DPP10: variants seen among roughly 807,000 people sequenced by gnomAD.
DPP10 encodes the protein dipeptidyl peptidase like 10.
In DPP10, 33 loss-of-function variants were observed where a neutral mutation model predicts 120.9. The observed-to-expected ratio is 0.27, with a 90% CI of 0.21 to 0.37. The LOEUF (loss-of-function observed/expected upper bound fraction) is 0.37, where lower values mean the gene tolerates loss of function less well. Ranked by LOEUF, DPP10 falls within the 10% of genes least tolerant of loss-of-function variation. The pLI, the probability that DPP10 is intolerant of heterozygous loss-of-function variation, is 1.00. For missense variants in DPP10, 816 were observed against 942.8 expected (o/e 0.87, Z 1.76); for synonymous variants, 337 against 326.1 (o/e 1.03, Z -0.36).
intron 19 of DPP10, among the ~76,000 whole-genome samples, chr2:115,813,430 T>G (rs1224925945): frequency 6.6e-6 from 1 of 152,110 alleles, no homozygotes; most frequent in African/African-American, 2.4e-5. Context: ...TGTGTGCAAA[T>G]TTCCTCTTCT....
chr2:115,312,857 C>T (rs1405480466), intron 2 of DPP10, among the ~76,000 whole-genome samples: 1 of 152,184 alleles, frequency 6.6e-6, no homozygotes, highest in East Asian at 1.9e-4. Context: ...GGGGAAGCTT[C>T]TGACTGTGGA....
intron 1 of DPP10, among the ~76,000 whole-genome samples, chr2:114,479,914 A>G (rs1018792752): frequency 1.3e-5 from 2 of 152,122 alleles, no homozygotes; most frequent in Admixed American, 1.3e-4. Context: ...AACCACCATC[A>G]GAGTGAACAG....
chr2:114,567,578 C>A (rs1169825998), intron 1 of DPP10, among the ~76,000 whole-genome samples: 1 of 152,078 alleles, frequency 6.6e-6, no homozygotes, highest in African/African-American at 2.4e-5. Context: ...CTAGAGTCAC[C>A]AGCCTGTGAC....
intron 1 of DPP10, among the ~76,000 whole-genome samples, chr2:114,919,556 C>T (rs774772989): frequency 4.6e-5 from 7 of 152,078 alleles, no homozygotes; most frequent in African/African-American, 7.2e-5. Context: ...GGTTATATAA[C>T]GCAAGTTGCA....
chr2:115,567,772 C>A (rs1249989323), intron 5 of DPP10, among the ~76,000 whole-genome samples: 1 of 152,154 alleles, frequency 6.6e-6, no homozygotes, highest in Non-Finnish European at 1.5e-5. Context: ...TCAAATTCTC[C>A]CTTATAAATG....
intron 1 of DPP10, among the ~76,000 whole-genome samples, chr2:115,228,188 C>G (rs2105467069): frequency 6.6e-6 from 1 of 152,040 alleles, no homozygotes; most frequent in East Asian, 1.9e-4. Context: ...CTCAAGTGGT[C>G]TGTGTGTCTT....
At chr2:115,829,392 C>A (rs182283588) in intron 21 of DPP10, among the ~76,000 whole-genome samples, 1 of 152,162 alleles carries the variant, frequency 6.6e-6, no homozygotes, top group African/African-American at 2.4e-5. Context: ...TTATGCTAAT[C>A]TTACAGTCTT....
At chr2:114,838,273 C>T (rs1398625304) in intron 1 of DPP10, among the ~76,000 whole-genome samples, 1 of 152,112 alleles carries the variant, frequency 6.6e-6, no homozygotes, top group Non-Finnish European at 1.5e-5. Context: ...TCTATAGTGG[C>T]ATTAGAAGTT....
At chr2:115,465,793 G>T (rs193077375) in intron 3 of DPP10, among the ~76,000 whole-genome samples, 1 of 152,026 alleles carries the variant, frequency 6.6e-6, no homozygotes, top group South Asian at 2.1e-4. Flanking sequence ...CTGCACTCCA[G>T]CCTGGGTGAC....
At chr2:115,832,711 T>A (rs1212809833) in intron 21 of DPP10, among the ~76,000 whole-genome samples, 1 of 152,122 alleles carries the variant, frequency 6.6e-6, no homozygotes, top group African/African-American at 2.4e-5. Flanking sequence ...TAATTTACAT[T>A]CCTGGTTTTA....
intron 1 of DPP10, among the ~76,000 whole-genome samples, chr2:114,466,570 T>A (rs540396106): frequency 1.3e-5 from 2 of 152,304 alleles, no homozygotes; most frequent in South Asian, 4.1e-4. Flanking sequence ...GCCTCAGCTT[T>A]CTTTTGTGCT....
intron 1 of DPP10, among the ~76,000 whole-genome samples, chr2:114,906,976 A>G (rs1014394612): frequency 6.6e-6 from 1 of 152,112 alleles, no homozygotes; most frequent in African/African-American, 2.4e-5. Flanking sequence ...ATTTGTGGGA[A>G]GTTTTAAGAT....
chr2:115,613,020 AACT>A (rs1021811819), intron 5 of DPP10, among the ~76,000 whole-genome samples: 1 of 152,214 alleles, frequency 6.6e-6, no homozygotes, highest in African/African-American at 2.4e-5. Context: ...GTGTAGCCAC[AACT>A]ACTACATGAC....
chr2:114,966,427 C>T (rs1414003972), intron 1 of DPP10, among the ~76,000 whole-genome samples: 4 of 152,086 alleles, frequency 2.6e-5, no homozygotes, highest in African/African-American at 9.7e-5. Flanking sequence ...ACTCTGGCTT[C>T]CTCAGTTTCT....
chr2:115,263,955 G>A (rs1198061903), intron 1 of DPP10, among the ~76,000 whole-genome samples: 1 of 151,934 alleles, frequency 6.6e-6, no homozygotes, highest in African/African-American at 2.4e-5. Context: ...GAAATGATGA[G>A]TTATAAGTTA....
At chr2:114,821,712 G>C (rs1005085464) in intron 1 of DPP10, among the ~76,000 whole-genome samples, 7 of 152,098 alleles carry the variant, frequency 4.6e-5, no homozygotes, top group African/African-American at 1.7e-4. Context: ...TTCCAAATGG[G>C]AGAAATTGGC....
In DPP10 at chr2:114,460,171, A is replaced by ATCTG. The variant is rs1471816074; in HGVS notation, c.60+17336_60+17337insGTCT. ...AGCAACCGAATGCATTTGGGATGAT[A>ATCTG]TCTATCTATCTATCTATCTATCTAT... On this transcript the variant is annotated intron_variant, in intron 1 of 25. Coordinates refer to ENST00000410059, the MANE Select transcript of DPP10 (RefSeq NM_020868.6). Among the ~76,000 whole-genome samples the ATCTG allele has an allele frequency of 2.0e-3, 10 of 5,082 alleles. No homozygotes were observed. In the East Asian group the frequency reaches 0.091, roughly 46 times the overall value. The allele number at this position is 5,082 out of a possible 152,430, so 3.3% of individuals were successfully genotyped here.
In DPP10 at chr2:115,836,391, G is replaced by A. The variant is rs933792467; in HGVS notation, c.2051-116G>A. 2.1e-5 allele frequency: 30 copies of A among 1,417,346 alleles called. No homozygotes were observed. In the Admixed American group the frequency reaches 6.1e-4, roughly 29 times the overall value. The allele number at this position is 1,417,346 out of a possible 1,614,324, so 87.8% of individuals were successfully genotyped here. ...GTTTTCAGCTGTTTATCTCCTCCTT[G>A]ATTCAGCTGATTTTACTAAAGCATG... On this transcript the variant is annotated intron_variant, in intron 22 of 25. Coordinates refer to ENST00000410059, the MANE Select transcript of DPP10 (RefSeq NM_020868.6).
At chr2:114,456,133 A>G (rs183244512) in intron 1 of DPP10, among the ~76,000 whole-genome samples, 195 of 152,318 alleles carry the variant, frequency 1.3e-3, no homozygotes, top group African/African-American at 4.3e-3. Context: ...ATCATGTATT[A>G]CTAATGGAGA....
Sources: gnomAD v4.1 joint callset for allele counts (sites outside exome capture counted in the v4.1 genomes callset) on GRCh38, gnomAD v4.1.1 for gene constraint, MANE v1.5 for transcripts, NCBI Gene and HGNC (gene_info 2026-07-23, HGNC 2026-07-21) for gene names.